The following PTPRD variants were observed in gnomAD, a reference collection of about 807,000 sequenced individuals.
The protein encoded by PTPRD is receptor-type tyrosine-protein phosphatase delta.
Under a neutral mutation model 214.5 loss-of-function variants are expected in PTPRD, and 34 were observed. The ratio of observed to expected loss-of-function variants is 0.16; its 90% CI spans 0.12 to 0.21. The LOEUF (loss-of-function observed/expected upper bound fraction) is 0.21. PTPRD is among the 10% of genes least tolerant of loss of function. The pLI, the probability that PTPRD is intolerant of heterozygous loss-of-function variation, is 1.00. For synonymous variants in PTPRD, 1,128 were observed against 845.7 expected, an observed-to-expected ratio of 1.33 and a Z score of -5.79; for missense variants, 2,545 against 2,398.7, an observed-to-expected ratio of 1.06 and a Z score of -1.27.
chr9:9,692,734 AC>A (rs1457323459), intron 7 of PTPRD, among the ~76,000 whole-genome samples: 9 of 152,032 alleles, frequency 5.9e-5, no homozygotes, highest in African/African-American at 2.2e-4. Flanking sequence ...AGACAATTCA[AC>A]AATACTGATT....
chr9:8,806,604 T>A (rs918504420), intron 11 of PTPRD, among the ~76,000 whole-genome samples: 1 of 152,210 alleles, frequency 6.6e-6, no homozygotes, highest in Non-Finnish European at 1.5e-5. Context: ...TGACAAAGCC[T>A]TCCTGAAATT....
chr9:9,605,017 A>T (rs1166540634), intron 7 of PTPRD, among the ~76,000 whole-genome samples: 2 of 152,006 alleles, frequency 1.3e-5, no homozygotes, highest in African/African-American at 4.8e-5. Flanking sequence ...ATGCTCATAA[A>T]CTCAGATTGT....
intron 11 of PTPRD, among the ~76,000 whole-genome samples, chr9:8,846,206 C>A (rs899022762): frequency 6.6e-6 from 1 of 152,068 alleles, no homozygotes; most frequent in East Asian, 1.9e-4. Flanking sequence ...TACAGAGGAG[C>A]AATAGACAAT....
intron 11 of PTPRD, among the ~76,000 whole-genome samples, chr9:8,877,179 C>A (rs920223693): frequency 6.6e-6 from 1 of 152,124 alleles, no homozygotes; most frequent in Non-Finnish European, 1.5e-5. Context: ...CCAGTCTCAG[C>A]CTCCCAAAAT....
chr9:9,275,069 T>TATATATATAATATATATGTTATATATATA (rs1555158763), intron 9 of PTPRD, among the ~76,000 whole-genome samples: 2 of 65,700 alleles, frequency 3.0e-5, no homozygotes, highest in East Asian at 4.1e-4. Context: ...ATATATATTA[T>TATATATATAATATATATGTTATATATATA]ATATATATAT....
chr9:9,862,118 T>C (rs530280763), intron 5 of PTPRD, among the ~76,000 whole-genome samples: 4 of 152,300 alleles, frequency 2.6e-5, no homozygotes, highest in Admixed American at 2.6e-4. Context: ...ACAAGATGGT[T>C]TGCTTCAAAA....
At chr9:10,053,965 G>C (rs2097578648) in intron 3 of PTPRD, among the ~76,000 whole-genome samples, 1 of 151,968 alleles carries the variant, frequency 6.6e-6, no homozygotes, top group Non-Finnish European at 1.5e-5. Context: ...CATCATGTTG[G>C]CCAGGCTGGT....
intron 7 of PTPRD, among the ~76,000 whole-genome samples, chr9:9,620,039 T>A (rs957994787): frequency 2.6e-5 from 4 of 152,056 alleles, no homozygotes; most frequent in African/African-American, 9.6e-5. Context: ...GTATGTAGAA[T>A]GGGCATTGTT....
intron 4 of PTPRD, among the ~76,000 whole-genome samples, chr9:9,960,609 A>G (rs1375224933): frequency 1.3e-5 from 2 of 152,094 alleles, no homozygotes; most frequent in Admixed American, 6.6e-5. Context: ...CCTCTGTGGT[A>G]TTTCCTCCCA....
chr9:9,389,711 C>A (rs2140846866), intron 9 of PTPRD, among the ~76,000 whole-genome samples: 1 of 152,216 alleles, frequency 6.6e-6, no homozygotes, highest in African/African-American at 2.4e-5. Context: ...CTAGCAACAG[C>A]TAAGTAGGGA....
chr9:10,352,400 T>C (rs1355792840), intron 2 of PTPRD, among the ~76,000 whole-genome samples: 1 of 152,010 alleles, frequency 6.6e-6, no homozygotes, highest in Admixed American at 6.6e-5. Context: ...TCATTCCTAT[T>C]CTTCTTCCAT....
chr9:8,693,757 C>A (rs1030404688), intron 12 of PTPRD, among the ~76,000 whole-genome samples: 1 of 152,192 alleles, frequency 6.6e-6, no homozygotes, highest in Non-Finnish European at 1.5e-5. Flanking sequence ...TGAGAAGTCC[C>A]ATAGTAAAAG....
chr9:10,176,367 AG>A, intron 3 of PTPRD, among the ~76,000 whole-genome samples: 1 of 151,816 alleles, frequency 6.6e-6, no homozygotes. Flanking sequence ...AGAAAATTCT[AG>A]GCAGTTTACC....
chr9:8,632,988 A>C (rs917913053), intron 14 of PTPRD, among the ~76,000 whole-genome samples: 2 of 151,908 alleles, frequency 1.3e-5, no homozygotes, highest in Admixed American at 6.6e-5. Flanking sequence ...AGTATGAAAA[A>C]TCCATGCACG....
In PTPRD at chr9:10,112,899, T is replaced by A. The variant is rs541063165; in HGVS notation, c.-544-79109A>T. Among the ~76,000 whole-genome samples, 25 of 152,336 alleles carry A rather than the reference T, an allele frequency of 1.6e-4. No homozygotes were observed. The South Asian group carries it at 4.8e-3, about 29-fold the overall frequency. On this transcript the variant is annotated intron_variant, in intron 3 of 45. Coordinates refer to ENST00000381196, the MANE Select transcript of PTPRD (RefSeq NM_002839.4). Reference sequence around the variant, plus strand: ...CTAGTATAGACCAGTTCTCTGGTATTTTAGAGCTTGTCTGTTCTAAGCCAC... The same window carrying A: ...CTAGTATAGACCAGTTCTCTGGTATATTAGAGCTTGTCTGTTCTAAGCCAC...
intron 2 of PTPRD, among the ~76,000 whole-genome samples, chr9:10,574,847 T>C (rs2068686189): frequency 6.7e-6 from 1 of 149,464 alleles, no homozygotes; most frequent in Admixed American, 6.7e-5. Context: ...AGATTCTCTT[T>C]CTTCCCCCCA....
intron 17 of PTPRD, 86 bp downstream of exon 17, chr9:8,526,541 G>A (rs896964737): frequency 1.9e-5 from 23 of 1,218,766 alleles, no homozygotes; most frequent in Non-Finnish European, 2.2e-5. Context: ...TTGGAATGAC[G>A]CTGAAAACAG....
At chr9:9,655,506 T>C (rs1394924299) in intron 7 of PTPRD, among the ~76,000 whole-genome samples, 1 of 151,492 alleles carries the variant, frequency 6.6e-6, no homozygotes, top group Non-Finnish European at 1.5e-5. Context: ...GAGGCAGAGG[T>C]TGCAGTGAGC....
intron 35 of PTPRD, among the ~76,000 whole-genome samples, chr9:8,429,302 A>G (rs2094894929): frequency 6.6e-6 from 1 of 152,158 alleles, no homozygotes. Flanking sequence ...TTTACCACAC[A>G]TAGTAGGTGT....
Sources: allele counts gnomAD v4.1 joint callset (sites outside exome capture counted in the v4.1 genomes callset), GRCh38; gene constraint gnomAD v4.1.1; transcripts MANE v1.5; gene names NCBI Gene and HGNC (gene_info 2026-07-23, HGNC 2026-07-21).